Variants in MCM10 observed in about 807,000 individuals in gnomAD.
The protein encoded by MCM10 is protein MCM10 homolog.
In MCM10, 91 loss-of-function variants were observed where a neutral mutation model predicts 109.9. The observed-to-expected ratio is 0.83, with a 90% confidence interval of 0.70 to 0.99. The LOEUF (loss-of-function observed/expected upper bound fraction) is 0.99. MCM10 is among the 50% of genes least tolerant of loss of function. The pLI is 0.00. For missense variants in MCM10, 1,077 were observed against 1,061.2 expected (o/e 1.01, Z -0.21); for synonymous variants, 380 against 387.2 (o/e 0.98, Z 0.22).
intron 3 of MCM10, among the ~76,000 whole-genome samples, chr10:13,171,474 C>A (rs995274857): frequency 6.6e-6 from 1 of 152,174 alleles, no homozygotes; most frequent in Non-Finnish European, 1.5e-5. Flanking sequence ...CAGTGTCAGC[C>A]AGCTGCACTT....
intron 14 of MCM10, 108 bp from the exon 15 acceptor site, chr10:13,197,515 C>G (rs1834436817): frequency 2.1e-6 from 2 of 973,604 alleles, no homozygotes; most frequent in African/African-American, 1.6e-5. Context: ...CAATTTCTGT[C>G]AGAGAACAGC....
At position 13,186,217 on chromosome 10, in the gene MCM10, T is replaced by C. The variant is rs959111012; in HGVS notation, c.1152T>C (p.Leu384=). 6.8e-6 allele frequency: 11 copies of C among 1,613,342 alleles called. No homozygotes were observed. The highest frequency in any genetic ancestry group is 2.7e-5 in the African/African-American group (2 of 74,904). Residue 384 remains leucine (L), a synonymous_variant, in exon 9 of 20, where the codon CTT becomes CTC. Coordinates refer to ENST00000378714, the MANE Select transcript of MCM10 (RefSeq NM_018518.5). The part of the protein sequence containing the change: ...PQKVLIMGEA[L]DLGTCKAKKK... ...AGGTCTTAATTATGGGTGAAGCTCTTGACCTGGGAACCTGTAAAGCCAAGA... is the reference window on the plus strand; with the variant it reads ...AGGTCTTAATTATGGGTGAAGCTCTCGACCTGGGAACCTGTAAAGCCAAGA...
chr10:13,162,177 GA>G (rs1833935401), intron 1 of MCM10, among the ~76,000 whole-genome samples: 1 of 152,204 alleles, frequency 6.6e-6, no homozygotes. Flanking sequence ...GTGTGTTCCA[GA>G]AGGTGGAAGC....
intron 17 of MCM10, 48 bp from the exon 18 acceptor site, chr10:13,204,171 C>T: frequency 2.5e-6 from 4 of 1,596,376 alleles, no homozygotes; most frequent in Non-Finnish European, 2.6e-6. Context: ...AGCATTTGTC[C>T]TCAAAGGCTC....
At chr10:13,177,151 G>A (rs1564383746) in intron 6 of MCM10, among the ~76,000 whole-genome samples, 2 of 152,146 alleles carry the variant, frequency 1.3e-5, no homozygotes. Flanking sequence ...GGCATTTATT[G>A]CACATGTGAA....
At chr10:13,207,251 A>C (rs984932092) in intron 18 of MCM10, among the ~76,000 whole-genome samples, 1 of 152,224 alleles carries the variant, frequency 6.6e-6, no homozygotes, top group Non-Finnish European at 1.5e-5. Flanking sequence ...TACACAGGCA[A>C]CTGGGCACGG....
Position 13,170,907 on chromosome 10 carries a change from C to G in MCM10, c.8-15C>G. On this transcript the variant is annotated splice_polypyrimidine_tract_variant and intron_variant, in intron 2 of 19. Coordinates refer to ENST00000378714, the MANE Select transcript of MCM10 (RefSeq NM_018518.5). ...GCCGTGCTTATTCTCTGTCCTTTCTCTTCTTTTCCCCTAGAGGAGGAAGAC... is the reference window on the plus strand; with the variant it reads ...GCCGTGCTTATTCTCTGTCCTTTCTGTTCTTTTCCCCTAGAGGAGGAAGAC... The G allele has an allele frequency of 6.2e-7, 1 of 1,604,844 alleles. No individual in the cohort carries two copies. Among genetic ancestry groups the G allele is most frequent in the Non-Finnish European group, 8.5e-7 (1 of 1,173,282 alleles).
Position 13,183,067 on chromosome 10 carries a change from C to A in MCM10, c.1065C>A (p.Ala355=), listed in dbSNP as rs201923730. The change falls in exon 8 of 20, where the codon GCC becomes GCA. Residue 355 remains alanine, a synonymous_variant. Coordinates refer to ENST00000378714, the MANE Select transcript of MCM10 (RefSeq NM_018518.5). ...EQGTVVGILN[A]NPMKPKDGSE... ...GGACTGTCGTAGGGATCCTCAATGC[C>A]AACCCCATGAAGCCCAAGGATGGTT... The A allele has an allele frequency of 2.0e-5, 33 of 1,613,992 alleles. No individual in the cohort carries two copies. The highest frequency in any genetic ancestry group is 2.7e-5 in the Non-Finnish European group (32 of 1,180,016).
At chr10:13,184,839 G>A (rs571135109) in intron 8 of MCM10, among the ~76,000 whole-genome samples, 11 of 152,298 alleles carry the variant, frequency 7.2e-5, no homozygotes, top group East Asian at 3.9e-4. Context: ...TTGGCATACC[G>A]TGGAAGGGTG....
chr10:13,210,879 T>C lies in MCM10; in HGVS notation c.*1569T>C, dbSNP rs1834652531. On this transcript the variant is annotated 3_prime_UTR_variant, in exon 20 of 20. Transcript: ENST00000378714. Reference sequence around the variant, plus strand: ...CATTAACTTAAAACAGCTATGTGTATGAAATAGGTCACAACAGAACTTGAA... The same window carrying C: ...CATTAACTTAAAACAGCTATGTGTACGAAATAGGTCACAACAGAACTTGAA... 1 of 152,316 alleles carries C rather than the reference T, an allele frequency of 6.6e-6. No individual in the cohort carries two copies. The highest frequency in any genetic ancestry group is 1.9e-4 in the East Asian group (1 of 5,190). The allele number at this position is 152,316 out of a possible 1,614,324, so 9.4% of individuals were successfully genotyped here. A position where few individuals can be genotyped will look rare whatever the true frequency, so the allele number is the denominator to read the frequency against.
At position 13,209,424 on chromosome 10, in the gene MCM10, C is replaced by T. The variant is rs1834629288; in HGVS notation, c.*114C>T. ...TGATTGACGCCGTCAAAAACAAATG[C>T]TTGTTAAGCCCATAAGCTTTGCCTG... On this transcript the variant is annotated 3_prime_UTR_variant, in exon 20 of 20. Coordinates refer to ENST00000378714, the MANE Select transcript of MCM10 (RefSeq NM_018518.5). 2 of 812,512 alleles carry T rather than the reference C, an allele frequency of 2.5e-6. No individual in the cohort carries two copies. The highest frequency in any genetic ancestry group is 4.0e-6 in the Non-Finnish European group (2 of 495,320). The allele number at this position is 812,512 out of a possible 1,614,324, so 50.3% of individuals were successfully genotyped here.
intron 16 of MCM10, among the ~76,000 whole-genome samples, chr10:13,199,690 A>T (rs1834471148): frequency 6.6e-6 from 1 of 152,264 alleles, no homozygotes; most frequent in Admixed American, 6.5e-5. Context: ...AGATTTCATT[A>T]TGGATTCATA....
At chr10:13,204,996 A>G (rs1292517282) in intron 18 of MCM10, among the ~76,000 whole-genome samples, 719 of 4,552 alleles carry the variant, frequency 0.16, 30 homozygotes, top group African/African-American at 0.22. Flanking sequence ...GTATGTATGT[A>G]TGTATGTATA....
At chr10:13,183,142 C>T (rs1834231623) in intron 8 of MCM10, 42 bp downstream of exon 8, 1 of 1,592,930 alleles carries the variant, frequency 6.3e-7, no homozygotes, top group Non-Finnish European at 8.6e-7. Context: ...ATTGTCTTTA[C>T]AAGTTAACTG....
In MCM10 at chr10:13,201,458, T is replaced by C; in HGVS notation, c.2276T>C (p.Leu759Pro). The C allele has an allele frequency of 3.1e-6, 5 of 1,613,302 alleles. No individual in the cohort carries two copies. The highest frequency in any genetic ancestry group is 4.2e-6 in the Non-Finnish European group (5 of 1,179,658). The change falls in exon 17 of 20, where the codon CTG becomes CCG. Residue 759 changes from leucine to proline, a missense_variant. By Grantham distance (98) the Leu-to-Pro change is moderately conservative. Coordinates refer to ENST00000378714, the MANE Select transcript of MCM10 (RefSeq NM_018518.5). ...AEMQERYFEP[L>P]VKKEQMEEKM... ...ATGCAGGAGCGCTACTTTGAGCCAC[T>C]GGTGAAAAAAGAACAAATGGAAGAA...
rs995251450 is a variant in MCM10 at position 13,210,776 on chromosome 10, A to G, written c.*1466A>G. On this transcript the variant is annotated 3_prime_UTR_variant, in exon 20 of 20. Transcript: ENST00000378714. ...ATTTTTTCTAACAAAGAAAAGAATA[A>G]AGTATTTATTAATAAGAACCAGAAA... is the stretch of plus-strand genomic sequence containing the variant. 2 of 152,200 alleles carry G rather than the reference A, an allele frequency of 1.3e-5. No individual in the cohort carries two copies. The highest frequency in any genetic ancestry group is 6.5e-5 in the Admixed American group (1 of 15,276). 9.4% of individuals were successfully genotyped at this position (152,200 alleles called of 1,614,324 possible). A position where few individuals can be genotyped will look rare whatever the true frequency, so the allele number is the denominator to read the frequency against.
chr10:13,186,875 C>T (rs534469168), intron 9 of MCM10, among the ~76,000 whole-genome samples: 2 of 152,174 alleles, frequency 1.3e-5, no homozygotes, highest in African/African-American at 4.8e-5. Flanking sequence ...GCCTGTAGTT[C>T]CAGCTACTCA....
rs1279614837 is a variant in MCM10, at chr10:13,201,520, G to A, written c.2338G>A (p.Val780Met). 11 of 1,609,696 alleles carry A rather than the reference G, an allele frequency of 6.8e-6. No individual in the cohort carries two copies. The highest frequency in any genetic ancestry group is 3.3e-5 in the South Asian group (3 of 90,250). Reference sequence around the variant, plus strand: ...CATCAGAGAAGTGAAGTGCCGTGTCGTGACATGCAAGACGGTGGGTGAAGG... The same window carrying A: ...CATCAGAGAAGTGAAGTGCCGTGTCATGACATGCAAGACGGTGGGTGAAGG... ...RNIREVKCRV[V>M]TCKTCAYTHF... is the part of the protein sequence containing the mutation. The change falls in exon 17 of 20, where the codon GTG (valine) becomes ATG (methionine). Residue 780 changes from valine to methionine, a missense_variant. Val to Met is a conservative substitution (Grantham distance 21). Coordinates refer to ENST00000378714, the MANE Select transcript of MCM10 (RefSeq NM_018518.5).
intron 18 of MCM10, among the ~76,000 whole-genome samples, chr10:13,207,388 G>C (rs1272912325): frequency 1.3e-5 from 2 of 152,066 alleles, no homozygotes; most frequent in Non-Finnish European, 2.9e-5. Context: ...CGACATATAG[G>C]CTACCAGAGT....
Sources: allele counts gnomAD v4.1 joint callset (sites outside exome capture counted in the v4.1 genomes callset), GRCh38; gene constraint gnomAD v4.1.1; transcripts MANE v1.5; gene names NCBI Gene and HGNC (gene_info 2026-07-23, HGNC 2026-07-21).